CNMD: variants seen among roughly 807,000 people sequenced by gnomAD.
The protein encoded by CNMD is chondromodulin.
In CNMD, 30 loss-of-function variants were observed where a neutral mutation model predicts 37.5. That is an observed-to-expected ratio of 0.80 (90% CI 0.60 to 1.09). The LOEUF (loss-of-function observed/expected upper bound fraction) is 1.09, where lower values mean the gene tolerates loss of function less well. Ranked by LOEUF, CNMD falls within the 50% of genes least tolerant of loss-of-function variation. The pLI is 0.00. For missense variants in CNMD, 398 were observed against 423.9 expected (o/e 0.94, Z 0.54); for synonymous variants, 167 against 148.2 (o/e 1.13, Z -0.92).
At chr13:52,725,916 A>G (rs1594286278) in intron 3 of CNMD, among the ~76,000 whole-genome samples, 3 of 152,214 alleles carry the variant, frequency 2.0e-5, no homozygotes, top group East Asian at 1.9e-4. Flanking sequence ...CAGGAGCCCT[A>G]CAGAAGCTGG....
intron 4 of CNMD, among the ~76,000 whole-genome samples, chr13:52,715,904 C>G (rs990516529): frequency 6.6e-6 from 1 of 152,190 alleles, no homozygotes; most frequent in Non-Finnish European, 1.5e-5. Context: ...ATTTCTGGTT[C>G]TAGATCCTTG....
chr13:52,717,987 C>T (rs1012819348), intron 4 of CNMD, among the ~76,000 whole-genome samples: 4 of 152,008 alleles, frequency 2.6e-5, no homozygotes, highest in East Asian at 1.9e-4. Flanking sequence ...TTTTTTTGGT[C>T]GGTAGGCTAT....
chr13:52,710,047 G>A (rs1964267190), intron 5 of CNMD, among the ~76,000 whole-genome samples: 1 of 152,184 alleles, frequency 6.6e-6, no homozygotes. Context: ...GTAAAATGGG[G>A]ATAATAGTAA....
chr13:52,722,943 C>G (rs1212682194), intron 4 of CNMD, among the ~76,000 whole-genome samples: 1 of 152,186 alleles, frequency 6.6e-6, no homozygotes, highest in African/African-American at 2.4e-5. Context: ...ACAATTAGAA[C>G]CACCCTCAGT....
chr13:52,707,182 C>T (rs1435431948), intron 6 of CNMD, among the ~76,000 whole-genome samples: 2 of 152,184 alleles, frequency 1.3e-5, no homozygotes, highest in Non-Finnish European at 2.9e-5. Flanking sequence ...GTGTGAGCCA[C>T]CGCGCCCAGC....
intron 3 of CNMD, 31 bp from the exon 4 acceptor site, chr13:52,724,141 TC>T: frequency 2.0e-6 from 3 of 1,480,492 alleles, no homozygotes; most frequent in Non-Finnish European, 2.8e-6. Flanking sequence ...CATCTATCTA[TC>T]CATTTGTTCA....
chr13:52,739,039 C>G lies in CNMD; in HGVS notation c.205G>C (p.Asp69His). ...IGAFYFWKGS[D>H]SHIYNVHYTM... ...CCGCCCTCTGGACTTACGTGACTGT[C>G]GCTCCCCTTCCAGAAGTAGAAGGCC... The change falls in exon 2 of 7, where the codon GAC (aspartate) becomes CAC (histidine). Residue 69 changes from aspartate (D) to histidine (H), a missense_variant. Physicochemically the swap from Asp to His is moderately conservative, Grantham distance 81. Coordinates refer to ENST00000377962, the MANE Select transcript of CNMD (RefSeq NM_007015.3). The surrounding 1 kb of genome is among the most constrained non-coding windows in gnomAD (Gnocchi z 5.4). 1 of 1,579,080 alleles carries G rather than the reference C, an allele frequency of 6.3e-7. No homozygotes were observed.
chr13:52,724,044 T>C lies in CNMD; in HGVS notation c.421A>G (p.Ile141Val). ...CYIKAQVKAR[I>V]PEVGAVTKQS... ...TTGGTCACGGCGCCCACCTCAGGAATACGAGCCTTCACTTGCGCTTTAATG... is the reference window on the plus strand; with the variant it reads ...TTGGTCACGGCGCCCACCTCAGGAACACGAGCCTTCACTTGCGCTTTAATG... The change falls in exon 4 of 7, where the codon ATT becomes GTT. Residue 141 changes from isoleucine (I) to valine (V), a missense_variant. Transcript: ENST00000377962. The C allele has an allele frequency of 6.2e-7, 1 of 1,614,100 alleles. No individual in the cohort carries two copies. Among genetic ancestry groups the C allele is most frequent in the Non-Finnish European group, 8.5e-7 (1 of 1,179,980 alleles).
At chr13:52,716,143 G>A (rs1964376640) in intron 4 of CNMD, among the ~76,000 whole-genome samples, 1 of 152,168 alleles carries the variant, frequency 6.6e-6, no homozygotes, top group Admixed American at 6.5e-5. Context: ...CCACATAAAT[G>A]TCTTCTTTTG....
In CNMD at chr13:52,717,118, A is replaced by G. The variant is rs149392712; in HGVS notation, c.469-4249T>C. On this transcript the variant is annotated intron_variant, in intron 4 of 6. Transcript: ENST00000377962. The stretch of plus-strand genomic sequence containing the variant: ...TATTCTCTTTTAGCAACTGTGAATG[A>G]GAGTTCCCTCATGATTTGGCTCTCT... 9.1e-3 allele frequency among the ~76,000 whole-genome samples: 1,385 copies of G among 152,236 alleles called. 26 individuals carry two copies. Among genetic ancestry groups the G allele is most frequent in the African/African-American group, 0.031 (1,304 of 41,536 alleles).
intron 3 of CNMD, among the ~76,000 whole-genome samples, chr13:52,725,240 G>T (rs1348804384): frequency 1.3e-5 from 2 of 152,154 alleles, no homozygotes; most frequent in African/African-American, 4.8e-5. Flanking sequence ...AGCTTCTTGA[G>T]ATCAGTATTT....
At chr13:52,717,733 A>T (rs962199116) in intron 4 of CNMD, among the ~76,000 whole-genome samples, 1 of 152,208 alleles carries the variant, frequency 6.6e-6, no homozygotes, top group Non-Finnish European at 1.5e-5. Flanking sequence ...ATGCTGCTGC[A>T]TTCAGTTTGC....
At chr13:52,704,296 A>C (rs1278902785) in intron 6 of CNMD, among the ~76,000 whole-genome samples, 1 of 152,196 alleles carries the variant, frequency 6.6e-6, no homozygotes, top group East Asian at 1.9e-4. Flanking sequence ...TTCCAGTTGC[A>C]CTGGCTCTGA....
chr13:52,735,827 CTTTTTT>C (rs34873599), intron 2 of CNMD, among the ~76,000 whole-genome samples: 609 of 120,608 alleles, frequency 5.0e-3, no homozygotes, highest in South Asian at 0.016. Context: ...TGCGGCCCAC[CTTTTTT>C]TTTTTTTTTT....
intron 3 of CNMD, among the ~76,000 whole-genome samples, chr13:52,730,290 C>A: frequency 6.6e-6 from 1 of 152,052 alleles, no homozygotes; most frequent in Non-Finnish European, 1.5e-5. Flanking sequence ...CATACGTGTG[C>A]ATGTGTCTTT....
chr13:52,734,476 C>T (rs1964724115), intron 2 of CNMD, among the ~76,000 whole-genome samples: 1 of 152,148 alleles, frequency 6.6e-6, no homozygotes. Flanking sequence ...CACCTGATTA[C>T]TGCACTGGTT....
At chr13:52,723,759 G>A (rs1964521329) in intron 4 of CNMD, among the ~76,000 whole-genome samples, 1 of 152,022 alleles carries the variant, frequency 6.6e-6, no homozygotes, top group Admixed American at 6.6e-5. Context: ...GTGAAACCCT[G>A]TATCTATTAA....
At chr13:52,733,882 A>G (rs1964715157) in intron 2 of CNMD, among the ~76,000 whole-genome samples, 1 of 152,214 alleles carries the variant, frequency 6.6e-6, no homozygotes, top group African/African-American at 2.4e-5. Flanking sequence ...GGTCAAGATT[A>G]GGCATGCAGT....
chr13:52,721,272 G>A (rs1224553557), intron 4 of CNMD, among the ~76,000 whole-genome samples: 1 of 152,176 alleles, frequency 6.6e-6, no homozygotes, highest in Non-Finnish European at 1.5e-5. Context: ...AGACCACTTG[G>A]CTCCCTGGCT....
Sources: gnomAD v4.1 joint callset for allele counts (sites outside exome capture counted in the v4.1 genomes callset) on GRCh38, gnomAD v4.1.1 for gene constraint, Gnocchi (gnomAD v3.1) non-coding constraint, MANE v1.5 for transcripts, NCBI Gene and HGNC (gene_info 2026-07-23, HGNC 2026-07-21) for gene names.